The following GCNT2 variants were observed in gnomAD, a reference collection of about 807,000 sequenced individuals.
The protein encoded by GCNT2 is N-acetyllactosaminide beta-1,6-N-acetylglucosaminyl-transferase.
A neutral mutation model predicts 34.2 loss-of-function variants in GCNT2; 34 were observed. The observed-to-expected ratio is 1.00, with a 90% CI of 0.76 to 1.32. The LOEUF is 1.32. Among genes scored for constraint, GCNT2 ranks in the 40% most tolerant of loss-of-function variants. The pLI is 0.00. For synonymous variants in GCNT2, 212 were observed against 188.0 expected, an observed-to-expected ratio of 1.13 and a Z score of -1.04; for missense variants, 584 against 489.4, an observed-to-expected ratio of 1.19 and a Z score of -1.82.
intron 3 of GCNT2, among the ~76,000 whole-genome samples, chr6:10,530,723 TAAAAC>T (rs777328143): frequency 1.2e-4 from 18 of 151,320 alleles, no homozygotes; most frequent in Non-Finnish European, 2.2e-4. Context: ...TTCAAGAAGT[TAAAAC>T]AAACAAACAA....
chr6:10,591,342 C>T (rs1764633308), intron 3 of GCNT2, among the ~76,000 whole-genome samples: 1 of 152,052 alleles, frequency 6.6e-6, no homozygotes, highest in East Asian at 1.9e-4. Flanking sequence ...GTACCCTGTA[C>T]CTAGGATGGG....
intron 3 of GCNT2, among the ~76,000 whole-genome samples, chr6:10,591,611 A>G (rs994612072): frequency 6.6e-6 from 1 of 152,178 alleles, no homozygotes; most frequent in African/African-American, 2.4e-5. Context: ...GCCTCCACTT[A>G]GTTTCTGCCT....
chr6:10,614,173 T>C (rs1052508498), intron 3 of GCNT2, among the ~76,000 whole-genome samples: 2 of 152,166 alleles, frequency 1.3e-5, no homozygotes, highest in Non-Finnish European at 2.9e-5. Flanking sequence ...AAGTGATGCT[T>C]ACTAGGTATT....
At chr6:10,617,402 C>T (rs2127441465) in intron 3 of GCNT2, among the ~76,000 whole-genome samples, 1 of 152,338 alleles carries the variant, frequency 6.6e-6, no homozygotes, top group Admixed American at 6.5e-5. Flanking sequence ...CCTCTCTCTC[C>T]ACACCTCCCA....
At chr6:10,575,868 C>T (rs907966139) in intron 3 of GCNT2, among the ~76,000 whole-genome samples, 15 of 152,218 alleles carry the variant, frequency 9.9e-5, no homozygotes, top group Non-Finnish European at 1.8e-4. Context: ...CACTCCTGCC[C>T]GCCAGAGAAC....
intron 3 of GCNT2, among the ~76,000 whole-genome samples, chr6:10,611,226 A>G (rs1277047542): frequency 1.4e-5 from 2 of 144,410 alleles, no homozygotes; most frequent in African/African-American, 5.0e-5. Flanking sequence ...TGTCTATTTG[A>G]AAAAAAAAAA....
intron 3 of GCNT2, among the ~76,000 whole-genome samples, chr6:10,573,546 T>C (rs909978570): frequency 4.0e-4 from 61 of 152,334 alleles, no homozygotes; most frequent in African/African-American, 1.4e-3. Context: ...TTCTTCGATT[T>C]ACTTTCCACC....
At chr6:10,556,999 CT>C in intron 3 of GCNT2, 1 of 1,613,758 alleles carries the variant, frequency 6.2e-7, no homozygotes, top group Non-Finnish European at 8.5e-7. Context: ...GTGGGCAAGA[CT>C]TCCCCCTGAA....
intron 3 of GCNT2, among the ~76,000 whole-genome samples, chr6:10,606,920 G>A (rs1419725367): frequency 1.3e-5 from 2 of 151,688 alleles, no homozygotes; most frequent in Non-Finnish European, 2.9e-5. Flanking sequence ...AAATACCTGA[G>A]ACTAGGTAAT....
chr6:10,619,100 T>C (rs2127443152), intron 3 of GCNT2: 1 of 152,328 alleles, frequency 6.6e-6, no homozygotes, highest in South Asian at 2.1e-4. Flanking sequence ...AAAGCCTAAT[T>C]CAATTAAATT....
chr6:10,611,780 A>G (rs934322819), intron 3 of GCNT2, among the ~76,000 whole-genome samples: 3 of 152,204 alleles, frequency 2.0e-5, no homozygotes, highest in South Asian at 4.1e-4. Flanking sequence ...CACAAGCACA[A>G]TTACTAAATT....
At chr6:10,579,502 A>G (rs1294744564) in intron 3 of GCNT2, among the ~76,000 whole-genome samples, 2 of 152,250 alleles carry the variant, frequency 1.3e-5, no homozygotes, top group East Asian at 3.9e-4. Flanking sequence ...TATAAGTACT[A>G]GAGATATTGA....
chr6:10,526,075 G>A (rs766289820), intron 1 of GCNT2, among the ~76,000 whole-genome samples: 20 of 152,154 alleles, frequency 1.3e-4, no homozygotes, highest in Non-Finnish European at 2.2e-4. Flanking sequence ...CTAAAGAGAC[G>A]TTAAAAGTCA....
chr6:10,603,087 C>T (rs944564464), intron 3 of GCNT2, among the ~76,000 whole-genome samples: 2 of 152,164 alleles, frequency 1.3e-5, no homozygotes, highest in African/African-American at 2.4e-5. Flanking sequence ...CTGCAAACAA[C>T]AGAATCTCTC....
At chr6:10,556,413 T>A in intron 3 of GCNT2, 1 of 1,613,756 alleles carries the variant, frequency 6.2e-7, no homozygotes, top group South Asian at 1.1e-5. Flanking sequence ...CATTTCACCC[T>A]TCTTTGAGGC....
intron 3 of GCNT2, among the ~76,000 whole-genome samples, chr6:10,587,084 TGTGATATA>T (rs1764387440): frequency 6.6e-6 from 1 of 152,238 alleles, no homozygotes; most frequent in South Asian, 2.1e-4. Flanking sequence ...TATCAATATG[TGTGATATA>T]GTGATCTAAG....
intron 1 of GCNT2, among the ~76,000 whole-genome samples, chr6:10,524,308 T>TG (rs1172833988): frequency 2.0e-5 from 3 of 150,564 alleles, no homozygotes; most frequent in Admixed American, 1.3e-4. Context: ...TGGAGTGCGA[T>TG]GGCACGATCT....
intron 3 of GCNT2, among the ~76,000 whole-genome samples, chr6:10,606,152 T>C (rs1460373058): frequency 6.6e-6 from 1 of 152,200 alleles, no homozygotes; most frequent in African/African-American, 2.4e-5. Flanking sequence ...CTGTCTCTAC[T>C]AAAAATACAA....
At chr6:10,621,796 A>G (rs1171827311) in intron 4 of GCNT2, among the ~76,000 whole-genome samples, 1 of 152,106 alleles carries the variant, frequency 6.6e-6, no homozygotes, top group Non-Finnish European at 1.5e-5. Flanking sequence ...TGCAGCCTCA[A>G]CATCCTGGGT....
Sources: allele counts gnomAD v4.1 joint callset (sites outside exome capture counted in the v4.1 genomes callset), GRCh38; gene constraint gnomAD v4.1.1; transcripts MANE v1.5; gene names NCBI Gene and HGNC (gene_info 2026-07-23, HGNC 2026-07-21).